The following LAMA2 variants were observed in gnomAD, a reference collection of about 807,000 sequenced individuals.
LAMA2 encodes laminin subunit alpha 2, also known as laminin subunit alpha-2.
In LAMA2, 269 loss-of-function variants were observed where a neutral mutation model predicts 364.8. The ratio of observed to expected loss-of-function variants is 0.74; its 90% CI spans 0.67 to 0.82. The LOEUF is 0.82. Ranked by LOEUF, LAMA2 falls within the 40% of genes least tolerant of loss-of-function variation. The pLI is 0.00. For synonymous variants in LAMA2, 1,379 were observed against 1,370.6 expected (o/e 1.01, Z -0.14); for missense variants, 3,807 against 3,873.2 (o/e 0.98, Z 0.45).
At chr6:129,196,043 C>G (rs1334549248) in intron 12 of LAMA2, among the ~76,000 whole-genome samples, 1 of 152,166 alleles carries the variant, frequency 6.6e-6, no homozygotes, top group Non-Finnish European at 1.5e-5. Flanking sequence ...AATTCTCTCT[C>G]TGAATATTAT....
In LAMA2 at chr6:129,439,825, C is replaced by CATATATATATATATAT. The variant is rs5879948; in HGVS notation, c.6086-982_6086-967dup. Among the ~76,000 whole-genome samples the CATATATATATATATAT allele has an allele frequency of 5.3e-3, 645 of 122,446 alleles. 4 individuals are homozygous for CATATATATATATATAT. Among genetic ancestry groups the CATATATATATATATAT allele is most frequent in the African/African-American group, 0.018 (497 of 26,986 alleles). 80.3% of individuals were successfully genotyped at this position (122,446 alleles called of 152,430 possible). On this transcript the variant is annotated intron_variant, in intron 42 of 64. Coordinates refer to ENST00000421865, the MANE Select transcript of LAMA2 (RefSeq NM_000426.4). ...GCTTCATTTGCTTGCATCAATTGGT[C>CATATATATATATATAT]ATATATATATATATATATATATATC... is the stretch of plus-strand genomic sequence containing the variant.
intron 9 of LAMA2, among the ~76,000 whole-genome samples, chr6:129,172,590 G>A (rs1168122578): frequency 6.6e-6 from 1 of 152,236 alleles, no homozygotes; most frequent in Non-Finnish European, 1.5e-5. Flanking sequence ...CTGTCAGAGG[G>A]ACATTTAAGT....
At position 129,432,168 on chromosome 6, in the gene LAMA2, A is replaced by G. The variant is rs1288915069; in HGVS notation, c.5968+4314A>G. On this transcript the variant is annotated intron_variant, in intron 41 of 64. Transcript: ENST00000421865. ...AAATTAAGCCTGGGTCCCCTGGCCT[A>G]CTGTGGTCTGGAGAACAAAGCAGTC... is the stretch of plus-strand genomic sequence containing the variant. 2.6e-5 allele frequency among the ~76,000 whole-genome samples: 4 copies of G among 152,214 alleles called. 1 individual carries two copies. The highest frequency in any genetic ancestry group is 5.9e-5 in the Non-Finnish European group (4 of 68,026).
chr6:129,081,248 T>A (rs1164206885), intron 3 of LAMA2, among the ~76,000 whole-genome samples: 1 of 95,178 alleles, frequency 1.1e-5, no homozygotes, highest in Non-Finnish European at 2.1e-5. Context: ...TGTTGTGGGG[T>A]GGGGTGAGGG....
chr6:129,045,940 A>G lies in LAMA2; in HGVS notation c.113-3978A>G, dbSNP rs1582931998. ...GTCAGTGCTGAGGGAGGAGGCAAAA[A>G]TCCGAGAGAAAAAGTGACAATGCCC... On this transcript the variant is annotated intron_variant, in intron 1 of 64. Transcript: ENST00000421865. 2.0e-5 allele frequency among the ~76,000 whole-genome samples: 3 copies of G among 152,172 alleles called. No individual in the cohort carries two copies. In the South Asian group the frequency reaches 6.2e-4, roughly 31 times the overall value.
At position 129,068,826 on chromosome 6, in the gene LAMA2, T is replaced by A. The variant is rs536324419; in HGVS notation, c.396+8930T>A. Among the ~76,000 whole-genome samples the A allele has an allele frequency of 5.1e-4, 77 of 152,300 alleles. No individual in the cohort carries two copies. In the South Asian group the frequency reaches 0.015, roughly 30 times the overall value. ...TAACTCTTCTTTTGTAACAGAGAAGTCTGGGACTGTCATTTTTTGTTTTTT... is the reference window on the plus strand; with the variant it reads ...TAACTCTTCTTTTGTAACAGAGAAGACTGGGACTGTCATTTTTTGTTTTTT... On this transcript the variant is annotated intron_variant, in intron 3 of 64. Transcript: ENST00000421865.
At chr6:129,124,161 T>G (rs1776972413) in intron 4 of LAMA2, among the ~76,000 whole-genome samples, 1 of 152,186 alleles carries the variant, frequency 6.6e-6, no homozygotes, top group African/African-American at 2.4e-5. Context: ...TAATCGTATC[T>G]TGGTTAATAG....
intron 3 of LAMA2, among the ~76,000 whole-genome samples, chr6:129,071,903 G>A (rs117275446): frequency 0.15 from 23,451 of 152,118 alleles, 2,056 homozygotes; most frequent in African/African-American, 0.22. Flanking sequence ...CAAGGCAGGC[G>A]GATGGCTTGA....
intron 37 of LAMA2, among the ~76,000 whole-genome samples, chr6:129,398,914 C>T (rs150427931): frequency 3.3e-5 from 5 of 152,262 alleles, no homozygotes; most frequent in African/African-American, 4.8e-5. Flanking sequence ...GCATAAGCTA[C>T]GACCATAAAG....
rs116349505 is a variant in LAMA2 at position 129,515,774 on chromosome 6, G to A, written c.9212-416G>A. ...TGTATAATTCTAGATGTTTTCATAT[G>A]TTATAACTATTAAAAAGTTGAGGCT... On this transcript the variant is annotated intron_variant, in intron 64 of 64. Transcript: ENST00000421865. Among the ~76,000 whole-genome samples, 680 of 152,236 alleles carry A rather than the reference G, an allele frequency of 4.5e-3. 6 individuals are homozygous for A. Among genetic ancestry groups the A allele is most frequent in the African/African-American group, 0.015 (629 of 41,536 alleles).
At chr6:129,407,139 G>C (rs1466942886) in intron 40 of LAMA2, among the ~76,000 whole-genome samples, 1 of 152,086 alleles carries the variant, frequency 6.6e-6, no homozygotes, top group East Asian at 1.9e-4. Context: ...CCCACATTGA[G>C]GGTGGGTCTG....
chr6:129,316,217 A>C lies in LAMA2; in HGVS notation c.4058+46A>C, dbSNP rs1309754046. The stretch of plus-strand genomic sequence containing the variant: ...TTCAAGCTCTTATTTTAGAGTCTGT[A>C]AGGAAGGTTATTGACCTACAGATAT... On this transcript the variant is annotated intron_variant, in intron 27 of 64. Transcript: ENST00000421865. 5 of 1,482,096 alleles carry C rather than the reference A, an allele frequency of 3.4e-6. No individual in the cohort carries two copies. In the African/African-American group the frequency reaches 6.9e-5, roughly 21 times the overall value. The allele number at this position is 1,482,096 out of a possible 1,614,324, so 91.8% of individuals were successfully genotyped here. A position where few individuals can be genotyped will look rare whatever the true frequency, so the allele number is the denominator to read the frequency against.
intron 14 of LAMA2, among the ~76,000 whole-genome samples, chr6:129,254,121 T>C (rs1786462197): frequency 6.6e-6 from 1 of 152,222 alleles, no homozygotes; most frequent in East Asian, 1.9e-4. Flanking sequence ...CAGTAGGCTT[T>C]CGACTTGGTA....
At chr6:129,056,825 G>T (rs1788520848) in intron 2 of LAMA2, among the ~76,000 whole-genome samples, 1 of 151,996 alleles carries the variant, frequency 6.6e-6, no homozygotes, top group Middle Eastern at 3.2e-3. Context: ...CTACCTCCTG[G>T]GTTCAAGTGA....
At chr6:129,484,714 T>C (rs1279990805) in intron 55 of LAMA2, among the ~76,000 whole-genome samples, 1 of 152,166 alleles carries the variant, frequency 6.6e-6, no homozygotes, top group African/African-American at 2.4e-5. Context: ...AAACAACATA[T>C]TGTTTACAGA....
chr6:129,052,471 C>T (rs963297811), intron 2 of LAMA2, among the ~76,000 whole-genome samples: 1 of 151,876 alleles, frequency 6.6e-6, no homozygotes, highest in East Asian at 1.9e-4. Flanking sequence ...TTTAAATAGA[C>T]CTTATTTTTA....
chr6:128,994,228 T>C (rs1783782572), intron 1 of LAMA2, among the ~76,000 whole-genome samples: 1 of 152,190 alleles, frequency 6.6e-6, no homozygotes, highest in Non-Finnish European at 1.5e-5. Flanking sequence ...TTGAAGTATT[T>C]GGGGGTATAC....
chr6:129,058,599 C>G (rs1218575254), intron 2 of LAMA2, among the ~76,000 whole-genome samples: 2 of 152,044 alleles, frequency 1.3e-5, no homozygotes, highest in Non-Finnish European at 2.9e-5. Context: ...CAGACAAATG[C>G]CGGATGAGAG....
chr6:129,244,268 C>T (rs999841440), intron 12 of LAMA2, among the ~76,000 whole-genome samples: 4 of 152,012 alleles, frequency 2.6e-5, no homozygotes, highest in African/African-American at 9.7e-5. Context: ...CAAATTTATA[C>T]ATACACTGAA....
Sources: allele counts gnomAD v4.1 joint callset (sites outside exome capture counted in the v4.1 genomes callset), GRCh38; gene constraint gnomAD v4.1.1; transcripts MANE v1.5; gene names NCBI Gene and HGNC (gene_info 2026-07-23, HGNC 2026-07-21).